The following CDH12 variants were observed in gnomAD, a reference collection of about 807,000 sequenced individuals.
The protein encoded by CDH12 is cadherin 12.
Under a neutral mutation model 74.1 loss-of-function variants are expected in CDH12, and 41 were observed. The ratio of observed to expected loss-of-function variants is 0.55; its 90% CI spans 0.43 to 0.72. The LOEUF is 0.72. Among genes scored for constraint, CDH12 ranks in the 30% least tolerant of loss-of-function variants. The probability of loss-of-function intolerance (pLI) is 0.00; values close to 1 mark genes in which losing one functional copy is unlikely to be tolerated. For missense variants in CDH12, 945 were observed against 977.2 expected (o/e 0.97, Z 0.44); for synonymous variants, 399 against 355.0 (o/e 1.12, Z -1.39).
At chr5:22,245,288 A>G (rs959821790) in intron 3 of CDH12, among the ~76,000 whole-genome samples, 2 of 152,156 alleles carry the variant, frequency 1.3e-5, no homozygotes, top group African/African-American at 4.8e-5. Flanking sequence ...CATTTTTCAA[A>G]TAAAAGATGA....
chr5:22,637,276 G>C (rs1580839353), intron 1 of CDH12, among the ~76,000 whole-genome samples: 1 of 152,206 alleles, frequency 6.6e-6, no homozygotes, highest in East Asian at 1.9e-4. Flanking sequence ...TTTACTACTG[G>C]TAATAAGTCA....
At chr5:21,934,632 C>T (rs181864396) in intron 6 of CDH12, among the ~76,000 whole-genome samples, 1 of 152,050 alleles carries the variant, frequency 6.6e-6, no homozygotes. Flanking sequence ...TATGTATGTG[C>T]GTGTATGCAT....
At chr5:22,269,667 A>G (rs181285444) in intron 3 of CDH12, among the ~76,000 whole-genome samples, 4 of 152,318 alleles carry the variant, frequency 2.6e-5, no homozygotes, top group East Asian at 1.9e-4. Context: ...ATGATACAGG[A>G]AACTCCAGAT....
At chr5:22,770,929 G>A (rs1002714405) in intron 1 of CDH12, among the ~76,000 whole-genome samples, 3 of 152,070 alleles carry the variant, frequency 2.0e-5, no homozygotes, top group Admixed American at 2.0e-4. Context: ...GGAAATATTT[G>A]AAATTTGTTT....
chr5:22,159,439 G>A (rs748189396), intron 4 of CDH12, among the ~76,000 whole-genome samples: 1 of 152,026 alleles, frequency 6.6e-6, no homozygotes, highest in South Asian at 2.1e-4. Context: ...GTGGCAGCAT[G>A]TTTTTCTGCC....
At chr5:22,809,325 A>T (rs1749001373) in intron 1 of CDH12, among the ~76,000 whole-genome samples, 1 of 152,004 alleles carries the variant, frequency 6.6e-6, no homozygotes, top group African/African-American at 2.4e-5. Context: ...ATTTTTACTT[A>T]TGAATATAGA....
chr5:21,865,419 CTGGT>C (rs1751275369), intron 6 of CDH12, among the ~76,000 whole-genome samples: 1 of 152,174 alleles, frequency 6.6e-6, no homozygotes, highest in Non-Finnish European at 1.5e-5. Flanking sequence ...CTTCAAAACA[CTGGT>C]TGAAGGACTC....
chr5:22,277,694 C>T (rs550836934), intron 3 of CDH12, among the ~76,000 whole-genome samples: 5 of 151,800 alleles, frequency 3.3e-5, no homozygotes, highest in Admixed American at 1.3e-4. Context: ...ATCAGCCAGG[C>T]GTGATGGTGG....
At chr5:21,922,126 G>T (rs572795032) in intron 6 of CDH12, among the ~76,000 whole-genome samples, 1 of 152,154 alleles carries the variant, frequency 6.6e-6, no homozygotes, top group Admixed American at 6.5e-5. Flanking sequence ...GGTGTCATTT[G>T]CCCATAGTTC....
intron 1 of CDH12, among the ~76,000 whole-genome samples, chr5:22,817,176 T>G (rs1749434846): frequency 6.6e-6 from 1 of 152,114 alleles, no homozygotes; most frequent in Non-Finnish European, 1.5e-5. Flanking sequence ...GAAGCTCCTT[T>G]TGTCTCACTT....
chr5:22,241,721 T>C (rs1009012005), intron 3 of CDH12, among the ~76,000 whole-genome samples: 1 of 152,008 alleles, frequency 6.6e-6, no homozygotes, highest in African/African-American at 2.4e-5. Flanking sequence ...CTGACCATGA[T>C]GGCTATGAGT....
chr5:21,990,962 TGA>T (rs1757719241), intron 5 of CDH12, among the ~76,000 whole-genome samples: 1 of 151,778 alleles, frequency 6.6e-6, no homozygotes, highest in Non-Finnish European at 1.5e-5. Context: ...TGAAATATCT[TGA>T]GAGAAAAAAA....
chr5:21,856,570 C>T (rs568592047), intron 6 of CDH12, among the ~76,000 whole-genome samples: 195 of 151,692 alleles, frequency 1.3e-3, no homozygotes, highest in Non-Finnish European at 2.3e-3. Flanking sequence ...AATTTATAGT[C>T]GGGAAAATAA....
intron 1 of CDH12, among the ~76,000 whole-genome samples, chr5:22,631,141 G>A (rs1460692476): frequency 1.3e-5 from 2 of 152,106 alleles, no homozygotes; most frequent in Admixed American, 6.6e-5. Flanking sequence ...AATAACAGAC[G>A]CTATTGAGGT....
intron 2 of CDH12, among the ~76,000 whole-genome samples, chr5:22,478,198 C>T (rs1455203466): frequency 6.6e-6 from 1 of 151,898 alleles, no homozygotes; most frequent in African/African-American, 2.4e-5. Flanking sequence ...GCGGGTGGAT[C>T]ATGAGGTCAG....
intron 3 of CDH12, among the ~76,000 whole-genome samples, chr5:22,357,239 T>A (rs1740602415): frequency 6.6e-6 from 1 of 152,074 alleles, no homozygotes; most frequent in Non-Finnish European, 1.5e-5. Flanking sequence ...CCATGAGAGA[T>A]GTGTGTATTA....
At chr5:21,814,142 AGTGTGTGTGTGT>A (rs59666017) in intron 9 of CDH12, among the ~76,000 whole-genome samples, 3,729 of 145,250 alleles carry the variant, frequency 0.026, 118 homozygotes, top group African/African-American at 0.075. Flanking sequence ...AGGAGAAATG[AGTGTGTGTGTGT>A]GTGTGTGTGT....
intron 2 of CDH12, among the ~76,000 whole-genome samples, chr5:22,443,599 A>G (rs1382388854): frequency 6.6e-6 from 1 of 152,104 alleles, no homozygotes; most frequent in Admixed American, 6.6e-5. Context: ...TTAATTTAAA[A>G]TATATCCTCA....
At chr5:21,853,361 C>G (rs1056688320) in intron 7 of CDH12, among the ~76,000 whole-genome samples, 3 of 151,434 alleles carry the variant, frequency 2.0e-5, no homozygotes, top group Admixed American at 6.6e-5. Context: ...ACCGATACTC[C>G]CTTCTTAGTG....
Sources: gnomAD v4.1 joint callset for allele counts (sites outside exome capture counted in the v4.1 genomes callset) on GRCh38, gnomAD v4.1.1 for gene constraint, MANE v1.5 for transcripts, NCBI Gene and HGNC (gene_info 2026-07-23, HGNC 2026-07-21) for gene names.